Variants in DPP6 observed in about 807,000 individuals in gnomAD.
DPP6 encodes dipeptidyl peptidase like 6.
DPP6 carries 69 observed loss-of-function variants against 122.6 expected under a neutral mutation model. The ratio of observed to expected loss-of-function variants is 0.56; its 90% confidence interval spans 0.46 to 0.69. The LOEUF (loss-of-function observed/expected upper bound fraction) is 0.69. Among genes scored for constraint, DPP6 ranks in the 30% least tolerant of loss-of-function variants. The probability of loss-of-function intolerance (pLI) is 0.00; values close to 1 mark genes in which losing one functional copy is unlikely to be tolerated. For synonymous variants in DPP6, 418 were observed against 433.1 expected (o/e 0.97, Z 0.43); for missense variants, 928 against 1,116.9 (o/e 0.83, Z 2.41).
chr7:154,330,919 A>G (rs1345494102), intron 1 of DPP6, among the ~76,000 whole-genome samples: 1 of 152,132 alleles, frequency 6.6e-6, no homozygotes, highest in Non-Finnish European at 1.5e-5. Flanking sequence ...TAGTCCTTAC[A>G]AGCTTCTGTT....
At chr7:154,869,095 G>A (rs998281166) in intron 18 of DPP6, among the ~76,000 whole-genome samples, 6 of 152,180 alleles carry the variant, frequency 3.9e-5, no homozygotes, top group East Asian at 1.9e-4. Flanking sequence ...GGCGGAAAGC[G>A]TGTTGAGGCT....
At chr7:153,946,433 G>T (rs1044011014) in intron 1 of DPP6, among the ~76,000 whole-genome samples, 2 of 152,106 alleles carry the variant, frequency 1.3e-5, no homozygotes, top group African/African-American at 4.8e-5. Flanking sequence ...GTGCCGGTGG[G>T]AGTGTCTTTC....
At chr7:154,603,409 G>A (rs1833480091) in intron 5 of DPP6, among the ~76,000 whole-genome samples, 1 of 117,960 alleles carries the variant, frequency 8.5e-6, no homozygotes, top group Non-Finnish European at 1.9e-5. Flanking sequence ...GTTCATGCCT[G>A]TAATCCCAGC....
In DPP6 at chr7:154,052,927, ACGG is replaced by A. The variant is rs1328769122; in HGVS notation, c.113_115del (p.Gly38del). On this transcript the variant is annotated inframe_deletion, in exon 1 of 26. Coordinates refer to ENST00000377770, the MANE Select transcript of DPP6 (RefSeq NM_130797.4). The surrounding 1 kb of genome is among the most constrained non-coding windows in gnomAD (Gnocchi z 4.8). ...CTGGGCGGCCAGGGGCCCGAGGAGG[ACGG>A]CGGCGCAGGAGCCAAGCCCCTCGGC... is the stretch of plus-strand genomic sequence containing the variant. 6.8e-7 allele frequency: 1 copy of A among 1,479,480 alleles called. No individual in the cohort carries two copies. The highest frequency in any genetic ancestry group is 2.1e-5 in the Admixed American group (1 of 48,160). The allele number at this position is 1,479,480 out of a possible 1,614,324, so 91.6% of individuals were successfully genotyped here.
At chr7:154,773,090 T>G in intron 10 of DPP6, 148 bp downstream of exon 10, 1 of 1,124,456 alleles carries the variant, frequency 8.9e-7, no homozygotes, top group Non-Finnish European at 1.2e-6. Flanking sequence ...CCTCACTGCT[T>G]TATGATTCCA....
intron 5 of DPP6, among the ~76,000 whole-genome samples, chr7:154,614,678 G>A (rs1355154021): frequency 6.6e-6 from 1 of 152,178 alleles, no homozygotes; most frequent in Non-Finnish European, 1.5e-5. Context: ...TCTCCTGAAA[G>A]CTAACTTTAA....
chr7:153,882,271 T>C (rs529922085), upstream of DPP6, among the ~76,000 whole-genome samples: 2 of 152,334 alleles, frequency 1.3e-5, no homozygotes, highest in South Asian at 2.1e-4. Flanking sequence ...TTCAGTGAAA[T>C]AGGACAGCTC....
the DPP6 span, among the ~76,000 whole-genome samples, chr7:153,828,945 T>C: frequency 1.2e-4 from 19 of 152,338 alleles, no homozygotes; most frequent in Admixed American, 5.2e-4. Context: ...GTACATAGAA[T>C]ATTTGAATAT....
chr7:154,630,393 T>G (rs1489310265), intron 5 of DPP6, among the ~76,000 whole-genome samples: 2 of 152,202 alleles, frequency 1.3e-5, no homozygotes, highest in Non-Finnish European at 2.9e-5. Flanking sequence ...AGTTACAAAG[T>G]CAAGTGAAAC....
rs1319203185 is a variant in DPP6 at position 154,821,615 on chromosome 7, ATAT to A, written c.1666+14505_1666+14507del. 2.1e-4 allele frequency among the ~76,000 whole-genome samples: 9 copies of A among 43,844 alleles called. No homozygotes were observed. The highest frequency in any genetic ancestry group is 4.7e-4 in the Admixed American group (2 of 4,238). The allele number at this position is 43,844 out of a possible 152,430, so 28.8% of individuals were successfully genotyped here. A position where few individuals can be genotyped will look rare whatever the true frequency, so the allele number is the denominator to read the frequency against. On this transcript the variant is annotated intron_variant, in intron 16 of 25. Coordinates refer to ENST00000377770, the MANE Select transcript of DPP6 (RefSeq NM_130797.4). The surrounding 1 kb of genome is among the most constrained non-coding windows in gnomAD (Gnocchi z 4.2). Reference sequence around the variant, plus strand: ...AAATGTTAAGTGAATATATATATATATATTTTTTTTCTGTATATATATATATAT... The same window carrying A: ...AAATGTTAAGTGAATATATATATATATTTTTTTCTGTATATATATATATAT...
At chr7:153,920,441 GC>G (rs1236339933) in intron 1 of DPP6, among the ~76,000 whole-genome samples, 1 of 152,110 alleles carries the variant, frequency 6.6e-6, no homozygotes, top group Non-Finnish European at 1.5e-5. Flanking sequence ...AAGACAAGAG[GC>G]CTCAAAGCAG....
At chr7:154,732,572 A>T (rs1448404578) in intron 8 of DPP6, among the ~76,000 whole-genome samples, 1 of 152,072 alleles carries the variant, frequency 6.6e-6, no homozygotes, top group African/African-American at 2.4e-5. Context: ...AGGGCAGTGG[A>T]GGTAGAGTGA....
chr7:154,284,620 C>G (rs1336391282), intron 1 of DPP6, among the ~76,000 whole-genome samples: 2 of 152,148 alleles, frequency 1.3e-5, no homozygotes, highest in Admixed American at 6.5e-5. Context: ...TTTGGGAGGC[C>G]GAGACAGGCT....
chr7:153,902,924 G>A (rs1163467202), intron 1 of DPP6, among the ~76,000 whole-genome samples: 1 of 152,138 alleles, frequency 6.6e-6, no homozygotes, highest in African/African-American at 2.4e-5. Flanking sequence ...TTTTCAACAG[G>A]AAGAAGTAAG....
At chr7:154,840,629 CTG>C (rs900785960) in intron 16 of DPP6, among the ~76,000 whole-genome samples, 6 of 152,180 alleles carry the variant, frequency 3.9e-5, no homozygotes, top group African/African-American at 1.2e-4. Context: ...TCTTGTAAAA[CTG>C]TTTTTACGTT....
chr7:154,376,938 T>G, intron 1 of DPP6, among the ~76,000 whole-genome samples: 1 of 152,228 alleles, frequency 6.6e-6, no homozygotes. Flanking sequence ...TCAGGGATTC[T>G]GTATCCTGTT....
intron 6 of DPP6, among the ~76,000 whole-genome samples, chr7:154,658,649 A>AG (rs1486557197): frequency 6.6e-6 from 1 of 152,106 alleles, no homozygotes; most frequent in Non-Finnish European, 1.5e-5. Context: ...CAAAAGGGAG[A>AG]GGGAGTGGGT....
intron 1 of DPP6, among the ~76,000 whole-genome samples, chr7:154,390,602 C>CT (rs1400848429): frequency 2.0e-5 from 3 of 152,102 alleles, no homozygotes; most frequent in Non-Finnish European, 2.9e-5. Context: ...AGGGGTGAGA[C>CT]TGCTTGTAGG....
At chr7:154,137,620 C>G (rs1006991889) in intron 1 of DPP6, among the ~76,000 whole-genome samples, 9 of 86,748 alleles carry the variant, frequency 1.0e-4, no homozygotes, top group Non-Finnish European at 8.9e-5. Context: ...GCTGAGGGGA[C>G]GAAGCAGCAG....
Sources: gnomAD v4.1 joint callset for allele counts (sites outside exome capture counted in the v4.1 genomes callset) on GRCh38, gnomAD v4.1.1 for gene constraint, Gnocchi (gnomAD v3.1) non-coding constraint, MANE v1.5 for transcripts, NCBI Gene and HGNC (gene_info 2026-07-23, HGNC 2026-07-21) for gene names.